LGR6: variants seen among roughly 807,000 people sequenced by gnomAD.
LGR6 encodes leucine-rich repeat-containing G protein-coupled receptor 6.
A neutral mutation model predicts 69.4 loss-of-function variants in LGR6; 45 were observed. The ratio of observed to expected loss-of-function variants is 0.65; its 90% confidence interval spans 0.51 to 0.83. The LOEUF (loss-of-function observed/expected upper bound fraction) is 0.83, where lower values mean the gene tolerates loss of function less well. LGR6 is among the 40% of genes least tolerant of loss of function. The pLI, the probability that LGR6 is intolerant of heterozygous loss-of-function variation, is 0.00. For missense variants in LGR6, 1,108 were observed against 1,246.7 expected (o/e 0.89, Z 1.68); for synonymous variants, 538 against 555.0 (o/e 0.97, Z 0.43).
Position 202,224,754 on chromosome 1 carries a change from G to T in LGR6, c.213-669G>T, listed in dbSNP as rs1019134887. 1.1e-4 allele frequency among the ~76,000 whole-genome samples: 17 copies of T among 152,324 alleles called. No homozygotes were observed. In the East Asian group the frequency reaches 2.1e-3, roughly 19 times the overall value. On this transcript the variant is annotated intron_variant, in intron 1 of 17. Transcript: ENST00000367278. ...CTCAGGCGGGAGTGCTCACCAGCCT[G>T]CTCACCTCCCTCTCTATGTTCCGCC...
At chr1:202,231,266 A>T (rs528301411) in intron 3 of LGR6, among the ~76,000 whole-genome samples, 1 of 152,242 alleles carries the variant, frequency 6.6e-6, no homozygotes. Context: ...GGCAGTGACC[A>T]TGCCTGGCTG....
chr1:202,198,668 GTTTTTTTTTTT>G (rs56275558), intron 1 of LGR6, among the ~76,000 whole-genome samples: 8 of 127,672 alleles, frequency 6.3e-5, no homozygotes, highest in Admixed American at 1.5e-4. Context: ...GTAATTTTAG[GTTTTTTTTTTT>G]TTTTTTTTTT....
chr1:202,222,365 C>T (rs1571835157), intron 1 of LGR6, among the ~76,000 whole-genome samples: 1 of 152,060 alleles, frequency 6.6e-6, no homozygotes, highest in Non-Finnish European at 1.5e-5. Context: ...CCCCCTCCTC[C>T]GCAGGGGAGA....
At chr1:202,248,073 T>G (rs759769714) in intron 4 of LGR6, among the ~76,000 whole-genome samples, 3 of 152,242 alleles carry the variant, frequency 2.0e-5, no homozygotes, top group Non-Finnish European at 4.4e-5. Context: ...AGCCACTCGC[T>G]GGAGGGTGAA....
chr1:202,244,873 T>TG (rs1662517742), intron 4 of LGR6, among the ~76,000 whole-genome samples: 1 of 151,712 alleles, frequency 6.6e-6, no homozygotes, highest in Non-Finnish European at 1.5e-5. Context: ...AGGGTTAGAG[T>TG]GGGCAGTAGT....
Position 202,304,642 on chromosome 1 carries a change from CAAG to C in LGR6, c.1070+15_1070+17del. 1 of 1,603,510 alleles carries C rather than the reference CAAG, an allele frequency of 6.2e-7. No homozygotes were observed. Among genetic ancestry groups the C allele is most frequent in the Non-Finnish European group, 8.5e-7 (1 of 1,171,678 alleles). ...AGGCTCCGAGTCCTGTGAGTGCTCA[CAAG>C]AATTCTACAGTCTTGGCATTGTGCC... On this transcript the variant is annotated intron_variant, in intron 11 of 17. Coordinates refer to ENST00000367278, the MANE Select transcript of LGR6 (RefSeq NM_001017403.2).
intron 4 of LGR6, among the ~76,000 whole-genome samples, chr1:202,267,359 T>A (rs933744933): frequency 7.2e-5 from 11 of 152,116 alleles, no homozygotes; most frequent in Non-Finnish European, 1.6e-4. Context: ...GGTGACTACT[T>A]CTAGTGCAGA....
At chr1:202,240,701 C>CT (rs1198223794) in intron 4 of LGR6, among the ~76,000 whole-genome samples, 5 of 152,166 alleles carry the variant, frequency 3.3e-5, no homozygotes, top group African/African-American at 9.7e-5. Flanking sequence ...AGGTGCTACT[C>CT]TATCTTATTC....
intron 4 of LGR6, among the ~76,000 whole-genome samples, chr1:202,265,763 A>G (rs1042178635): frequency 2.0e-5 from 3 of 152,208 alleles, no homozygotes; most frequent in African/African-American, 4.8e-5. Context: ...CCATCAAGCA[A>G]TCATCTGAAC....
Position 202,318,837 on chromosome 1 carries a change from C to T in LGR6, c.2534C>T (p.Ala845Val), listed in dbSNP as rs766569114. The stretch of plus-strand genomic sequence containing the variant: ...GACCTTCGGCGGCTTCGGCCCCGCG[C>T]AGGGGACTCAGGGCCCCTAGCCTAT... ...RDDLRRLRPRAGDSGPLAYAA... is the reference protein window; with the variant it reads ...RDDLRRLRPRVGDSGPLAYAA... Residue 845 changes from alanine (A) to valine (V), a missense_variant, in exon 18 of 18, where the codon GCA becomes GTA. Coordinates refer to ENST00000367278, the MANE Select transcript of LGR6 (RefSeq NM_001017403.2). 1.2e-6 allele frequency: 2 copies of T among 1,613,240 alleles called. No homozygotes were observed. Among genetic ancestry groups the T allele is most frequent in the South Asian group, 1.1e-5 (1 of 90,960 alleles).
chr1:202,195,649 C>T (rs1035232008), intron 1 of LGR6, among the ~76,000 whole-genome samples: 1 of 152,212 alleles, frequency 6.6e-6, no homozygotes, highest in African/African-American at 2.4e-5. Flanking sequence ...CAGGCCAGCC[C>T]CTCTTTCAGC....
intron 1 of LGR6, chr1:202,197,329 T>A: frequency 2.0e-6 from 1 of 511,524 alleles, no homozygotes; most frequent in Non-Finnish European, 4.0e-6. Flanking sequence ...GTCCAAAAAC[T>A]ATTACCACTT....
intron 5 of LGR6, among the ~76,000 whole-genome samples, chr1:202,277,248 C>T (rs1467672976): frequency 6.6e-6 from 1 of 152,122 alleles, no homozygotes; most frequent in Non-Finnish European, 1.5e-5. Flanking sequence ...TAACATTGCC[C>T]CCACGCCCCC....
At chr1:202,254,466 C>T (rs1005822158) in intron 4 of LGR6, among the ~76,000 whole-genome samples, 3 of 152,198 alleles carry the variant, frequency 2.0e-5, no homozygotes, top group African/African-American at 7.2e-5. Flanking sequence ...CCCCTGACCT[C>T]AGGAATGGTC....
In LGR6 at chr1:202,318,077, G is replaced by A. The variant is rs1372553821; in HGVS notation, c.1774G>A (p.Val592Ile). 6 of 1,613,850 alleles carry A rather than the reference G, an allele frequency of 3.7e-6. No homozygotes were observed. In the East Asian group the frequency reaches 1.3e-4, roughly 36 times the overall value. Reference protein sequence around the residue: ...VLLTVFAGGPVPLPPVKFVVG... With the variant: ...VLLTVFAGGPIPLPPVKFVVG... ...GCTGACCGTGTTCGCTGGCGGGCCT[G>A]TCCCCCTGCCCCCGGTCAAGTTTGT... The change falls in exon 18 of 18, where the codon GTC becomes ATC. Residue 592 changes from valine to isoleucine, a missense_variant. Physicochemically the swap from Val to Ile is conservative, Grantham distance 29. Transcript: ENST00000367278.
At position 202,310,239 on chromosome 1, in the gene LGR6, G is replaced by A; in HGVS notation, c.1449G>A (p.Gly483=). The A allele has an allele frequency of 6.2e-7, 1 of 1,614,128 alleles. No homozygotes were observed. Among genetic ancestry groups the A allele is most frequent in the Non-Finnish European group, 8.5e-7 (1 of 1,180,002 alleles). ...ATGCCTACCAGTGCTGTCCCTATGG[G>A]ATGTGTGCCAGCTTCTTCAAGGCCT... The part of the protein sequence containing the change: ...VPYAYQCCPY[G]MCASFFKASG... The change falls in exon 16 of 18, where the codon GGG becomes GGA. Residue 483 remains glycine, a synonymous_variant. Coordinates refer to ENST00000367278, the MANE Select transcript of LGR6 (RefSeq NM_001017403.2).
intron 1 of LGR6, among the ~76,000 whole-genome samples, chr1:202,223,166 C>G (rs115336376): frequency 1.3e-5 from 2 of 152,186 alleles, no homozygotes; most frequent in African/African-American, 4.8e-5. Flanking sequence ...ATGGCCACAG[C>G]ACACCACCTA....
At chr1:202,313,037 G>A (rs770161998) in intron 16 of LGR6, among the ~76,000 whole-genome samples, 5 of 150,948 alleles carry the variant, frequency 3.3e-5, no homozygotes, top group Non-Finnish European at 7.4e-5. Flanking sequence ...GACCATCCTG[G>A]CTAACACCAT....
At chr1:202,257,778 C>T (rs1663896125) in intron 4 of LGR6, among the ~76,000 whole-genome samples, 1 of 151,980 alleles carries the variant, frequency 6.6e-6, no homozygotes, top group African/African-American at 2.4e-5. Flanking sequence ...TTGTTATTTT[C>T]AAGGTTTGAC....
Sources: gnomAD v4.1 joint callset for allele counts (sites outside exome capture counted in the v4.1 genomes callset) on GRCh38, gnomAD v4.1.1 for gene constraint, MANE v1.5 for transcripts, NCBI Gene and HGNC (gene_info 2026-07-23, HGNC 2026-07-21) for gene names.